The following ZNF517 variants were observed in gnomAD, a reference collection of about 807,000 sequenced individuals.
ZNF517 encodes zinc finger protein 517.
ZNF517 carries 12 observed loss-of-function variants against 12.1 expected under a neutral mutation model. That is an observed-to-expected ratio of 0.99 (90% CI 0.63 to 1.61). The LOEUF is 1.61. Among genes scored for constraint, ZNF517 ranks in the 40% most tolerant of loss-of-function variants. The pLI is 0.00. For missense variants in ZNF517, 781 were observed against 693.2 expected (o/e 1.13, Z -1.42); for synonymous variants, 388 against 310.2 (o/e 1.25, Z -2.63).
At position 144,804,138 on chromosome 8, in the gene ZNF517, C is replaced by T. The variant is rs1432015108; in HGVS notation, c.174C>T (p.Ala58=). ...CTCTGAGCTTAGGCTTTCTTGTTGC[C>T]AAACCAGCACTGATCTCCCTATTGG... The part of the protein sequence containing the change: ...GNLASLGFLV[A]KPALISLLEQ... Residue 58 remains alanine (A), a synonymous_variant, in exon 4 of 5, where the codon GCC becomes GCT. Transcript: ENST00000359971. 1.2e-6 allele frequency: 2 copies of T among 1,613,926 alleles called. No individual in the cohort carries two copies. Among genetic ancestry groups the T allele is most frequent in the Non-Finnish European group, 1.7e-6 (2 of 1,179,958 alleles).
chr8:144,811,010 G>A (rs1435733035), downstream of ZNF517: 1 of 152,332 alleles, frequency 6.6e-6, no homozygotes, highest in African/African-American at 2.4e-5. Flanking sequence ...TGAGTGGGCA[G>A]GTACCTCCAA....
rs990232105 is a variant in ZNF517 at position 144,807,396 on chromosome 8, A to G, written c.480A>G (p.Pro160=). The G allele has an allele frequency of 2.2e-5, 35 of 1,560,154 alleles. No individual in the cohort carries two copies. Among genetic ancestry groups the G allele is most frequent in the Non-Finnish European group, 3.0e-5 (34 of 1,152,528 alleles). The change falls in exon 5 of 5, where the codon CCA becomes CCG. Residue 160 remains proline (P), a synonymous_variant. Transcript: ENST00000359971. ...GGGCTCGGGAGCACAGCGCCTCCCC[A>G]AGGGTTCTGCAGGAAGACCTGGGCC... ...HPRAREHSAS[P]RVLQEDLGRP... is the part of the protein sequence containing the mutation.
intron 2 of ZNF517, 103 bp from the exon 3 acceptor site, chr8:144,803,538 G>C: frequency 6.7e-7 from 1 of 1,494,982 alleles, no homozygotes; most frequent in Non-Finnish European, 9.1e-7. Context: ...TGCAGCAGTG[G>C]GCAGCAAGGA....
chr8:144,802,880 C>G lies in ZNF517; in HGVS notation c.-35C>G. 6.2e-7 allele frequency: 1 copy of G among 1,613,868 alleles called. No homozygotes were observed. The highest frequency in any genetic ancestry group is 8.5e-7 in the Non-Finnish European group (1 of 1,179,938). On this transcript the variant is annotated 5_prime_UTR_variant, in exon 2 of 5. Transcript: ENST00000359971. ...TCTATGTTCCCTCAGAATTCACTGT[C>G]TGTAGCATCTGCTCCTCCACAGAGG...
rs1000901112 is a variant in ZNF517, at chr8:144,809,577, C to T, written c.*1182C>T. ...TTTGGACTCAGGCTTGCCACAGAGG[C>T]CTCCCAGGGCTCTCGGCCAGTCAGC... On this transcript the variant is annotated 3_prime_UTR_variant, in exon 5 of 5. Transcript: ENST00000359971. The T allele has an allele frequency of 6.6e-6, 1 of 152,244 alleles. No individual in the cohort carries two copies. The highest frequency in any genetic ancestry group is 1.5e-5 in the Non-Finnish European group (1 of 68,072). The allele number at this position is 152,244 out of a possible 1,614,324, so 9.4% of individuals were successfully genotyped here. A position where few individuals can be genotyped will look rare whatever the true frequency, so the allele number is the denominator to read the frequency against.
In ZNF517 at chr8:144,803,723, A is replaced by G. The variant is rs1406141938; in HGVS notation, c.116A>G (p.Tyr39Cys). The part of the protein sequence containing the change: ...SCLAPDQQAL[Y>C]RDVMLENYGN... ...CTGGCCCCCGACCAGCAGGCACTCT[A>G]CAGGGACGTGATGCTGGAGAACTAT... The change falls in exon 3 of 5, where the codon TAC (tyrosine) becomes TGC (cysteine). Residue 39 changes from tyrosine to cysteine, a missense_variant. Tyr to Cys is a radical substitution (Grantham distance 194). Transcript: ENST00000359971. The G allele has an allele frequency of 6.2e-7, 1 of 1,614,044 alleles. No homozygotes were observed. Among genetic ancestry groups the G allele is most frequent in the African/African-American group, 1.3e-5 (1 of 74,932 alleles).
chr8:144,803,952 C>A, intron 3 of ZNF517, 173 bp from the exon 4 acceptor site: 2 of 1,103,494 alleles, frequency 1.8e-6, no homozygotes, highest in Non-Finnish European at 2.5e-6. Context: ...TGAGGCTTCT[C>A]TCCTGGGGCA....
At chr8:144,803,272 C>T in intron 2 of ZNF517, 1 of 477,380 alleles carries the variant, frequency 2.1e-6, no homozygotes, top group African/African-American at 1.9e-5. Context: ...CCTCCCTCTC[C>T]TGATGCTGAC....
chr8:144,807,996 G>A lies in ZNF517; in HGVS notation c.1080G>A (p.Arg360=). The change falls in exon 5 of 5, where the codon AGG becomes AGA. Residue 360 remains arginine (R), a synonymous_variant. Coordinates refer to ENST00000359971, the MANE Select transcript of ZNF517 (RefSeq NM_213605.3). ...GCGCCCTGCTCGGAGCTGCGCAGAG[G>A]CCCCAGGCGGGGGACCCGCCCCACG... ...GQGALLGAAQ[R]PQAGDPPHEC... is the part of the protein sequence containing the mutation. The A allele has an allele frequency of 6.4e-7, 1 of 1,553,972 alleles. No individual in the cohort carries two copies. The highest frequency in any genetic ancestry group is 1.2e-5 in the South Asian group (1 of 83,542).
chr8:144,803,712 G>A lies in ZNF517; in HGVS notation c.105G>A (p.Gln35=). ...AGTGGAGTTGCCTGGCCCCCGACCA[G>A]CAGGCACTCTACAGGGACGTGATGC... The part of the protein sequence containing the change: ...RIEWSCLAPD[Q]QALYRDVMLE... The change falls in exon 3 of 5, where the codon CAG becomes CAA. Residue 35 remains glutamine (Q), a synonymous_variant. Transcript: ENST00000359971. 2 of 1,614,204 alleles carry A rather than the reference G, an allele frequency of 1.2e-6. No individual in the cohort carries two copies. Among genetic ancestry groups the A allele is most frequent in the Non-Finnish European group, 1.7e-6 (2 of 1,180,016 alleles).
chr8:144,802,015 G>C (rs1339815657), intron 1 of ZNF517, among the ~76,000 whole-genome samples: 1 of 152,162 alleles, frequency 6.6e-6, no homozygotes, highest in East Asian at 1.9e-4. Context: ...CCTGGGTCAC[G>C]CATTGAGACC....
At chr8:144,804,914 C>T (rs758442692) in intron 4 of ZNF517, among the ~76,000 whole-genome samples, 15 of 152,208 alleles carry the variant, frequency 9.9e-5, no homozygotes, top group Non-Finnish European at 1.9e-4. Context: ...GCCAGGTGTA[C>T]AGGGTGGAAC....
chr8:144,801,091 A>G (rs948408750), intron 1 of ZNF517, among the ~76,000 whole-genome samples: 1 of 152,140 alleles, frequency 6.6e-6, no homozygotes, highest in Non-Finnish European at 1.5e-5. Flanking sequence ...GGCCTCCTAA[A>G]GTGCTGGAAT....
chr8:144,801,698 C>T (rs1826970767), intron 1 of ZNF517, among the ~76,000 whole-genome samples: 1 of 152,130 alleles, frequency 6.6e-6, no homozygotes, highest in South Asian at 2.1e-4. Context: ...AGGATGGTCT[C>T]TGTCTCCACC....
chr8:144,804,279 A>T, intron 4 of ZNF517, 41 bp downstream of exon 4: 1 of 1,540,010 alleles, frequency 6.5e-7, no homozygotes, highest in Non-Finnish European at 8.9e-7. Context: ...TGTGCTGCCA[A>T]TGTGGCCTGG....
Position 144,807,746 on chromosome 8 carries a change from T to C in ZNF517, c.830T>C (p.Leu277Pro). The change falls in exon 5 of 5, where the codon CTG (leucine) becomes CCG (proline). Residue 277 changes from leucine to proline, a missense_variant. Leu to Pro is a moderately conservative substitution (Grantham distance 98, BLOSUM62 -3). Coordinates refer to ENST00000359971, the MANE Select transcript of ZNF517 (RefSeq NM_213605.3). ...GKAFSRSSRLLQHQKFHTGEK... is the reference protein window; with the variant it reads ...GKAFSRSSRLPQHQKFHTGEK... ...GCCTTCAGCCGCAGCTCCCGGCTGC[T>C]GCAGCACCAGAAGTTCCACACCGGG... The C allele has an allele frequency of 6.2e-7, 1 of 1,611,840 alleles. No homozygotes were observed. The highest frequency in any genetic ancestry group is 1.1e-5 in the South Asian group (1 of 91,028).
rs1040539323 is a variant in ZNF517, at chr8:144,809,217, G to A, written c.*822G>A. 1 of 151,072 alleles carries A rather than the reference G, an allele frequency of 6.6e-6. No individual in the cohort carries two copies. The highest frequency in any genetic ancestry group is 1.5e-5 in the Non-Finnish European group (1 of 67,968). The allele number at this position is 151,072 out of a possible 1,614,324, so 9.4% of individuals were successfully genotyped here. On this transcript the variant is annotated 3_prime_UTR_variant, in exon 5 of 5. Coordinates refer to ENST00000359971, the MANE Select transcript of ZNF517 (RefSeq NM_213605.3). ...TCTATCTATCTCTTTTTTTGAGGCAGGATCTCTCTGTCAGCCAGCCTGGAG... is the reference window on the plus strand; with the variant it reads ...TCTATCTATCTCTTTTTTTGAGGCAAGATCTCTCTGTCAGCCAGCCTGGAG...
chr8:144,802,567 A>G (rs572960317), intron 1 of ZNF517, among the ~76,000 whole-genome samples: 19 of 152,290 alleles, frequency 1.2e-4, no homozygotes, highest in South Asian at 4.1e-4. Flanking sequence ...GCATAGTGCT[A>G]TGGAGAAAAA....
chr8:144,813,327 A>G (rs952483015), downstream of ZNF517, among the ~76,000 whole-genome samples: 1 of 151,736 alleles, frequency 6.6e-6, no homozygotes, highest in Non-Finnish European at 1.5e-5. Context: ...AAAAAAAAAA[A>G]AAAAAAAAGA....
Sources: allele counts gnomAD v4.1 joint callset (sites outside exome capture counted in the v4.1 genomes callset), GRCh38; gene constraint gnomAD v4.1.1; transcripts MANE v1.5; gene names NCBI Gene and HGNC (gene_info 2026-07-23, HGNC 2026-07-21).